The following GABRA5 variants were observed in gnomAD, a reference collection of about 807,000 sequenced individuals.
GABRA5 encodes gamma-aminobutyric acid type A receptor subunit alpha5.
A neutral mutation model predicts 47.3 loss-of-function variants in GABRA5; 18 were observed. That is an observed-to-expected ratio of 0.38 (90% confidence interval 0.26 to 0.56). GABRA5 has a LOEUF of 0.56. Among genes scored for constraint, GABRA5 ranks in the 20% least tolerant of loss-of-function variants. The pLI is 0.71. For missense variants in GABRA5, 365 were observed against 599.3 expected (o/e 0.61, Z 4.08); for synonymous variants, 237 against 229.3 (o/e 1.03, Z -0.30).
intron 8 of GABRA5, chr15:26,939,271 T>C (rs760226134): frequency 6.5e-6 from 5 of 765,148 alleles, no homozygotes; most frequent in Non-Finnish European, 1.2e-5. Context: ...TTCTCAGCAA[T>C]GAATGGGAGG....
In GABRA5 at chr15:26,871,894, A is replaced by G. The variant is rs142054627; in HGVS notation, c.86+2560A>G. 1.5e-3 allele frequency among the ~76,000 whole-genome samples: 234 copies of G among 152,310 alleles called. 1 individual carries two copies. Among genetic ancestry groups the G allele is most frequent in the African/African-American group, 5.3e-3 (221 of 41,574 alleles). Reference sequence around the variant, plus strand: ...ATTTGGCTTACAAGTTTTCTTAGGTATTTGAGATTATTTATATTAGAAGAT... The same window carrying G: ...ATTTGGCTTACAAGTTTTCTTAGGTGTTTGAGATTATTTATATTAGAAGAT... On this transcript the variant is annotated intron_variant, in intron 3 of 10. Transcript: ENST00000335625.
At position 26,939,956 on chromosome 15, in the gene GABRA5, C is replaced by T. The variant is rs2140587796; in HGVS notation, c.756C>T (p.His252=). 2 of 1,613,986 alleles carry T rather than the reference C, an allele frequency of 1.2e-6. No individual in the cohort carries two copies. The highest frequency in any genetic ancestry group is 8.5e-7 in the Non-Finnish European group (1 of 1,179,894). ...ACACAATCATGACAGCTCACTTCCA[C>T]CTGAAAAGGAAGATTGGCTACTTTG... ...GEYTIMTAHF[H]LKRKIGYFVI... The change falls in exon 9 of 11, where the codon CAC becomes CAT. Residue 252 remains histidine, a synonymous_variant. Coordinates refer to ENST00000335625, the MANE Select transcript of GABRA5 (RefSeq NM_000810.4).
At chr15:26,919,581 A>G (rs992316265) in intron 7 of GABRA5, among the ~76,000 whole-genome samples, 44 of 152,270 alleles carry the variant, frequency 2.9e-4, no homozygotes, top group Admixed American at 7.8e-4. Flanking sequence ...TTTTAGTTGT[A>G]ATTATTTCTA....
chr15:26,874,045 G>A (rs967830842), intron 3 of GABRA5, among the ~76,000 whole-genome samples: 3 of 152,202 alleles, frequency 2.0e-5, no homozygotes, highest in Admixed American at 6.5e-5. Flanking sequence ...GCAGCTCTCC[G>A]CCAAGACTGT....
In GABRA5 at chr15:26,899,811, A is replaced by G. The variant is rs184054957; in HGVS notation, c.498-14992A>G. ...CTAAAATGAGTCCTCGTACATGATA[A>G]AGAATTATTTTATATATCTATATCG... is the stretch of plus-strand genomic sequence containing the variant. On this transcript the variant is annotated intron_variant, in intron 6 of 10. Coordinates refer to ENST00000335625, the MANE Select transcript of GABRA5 (RefSeq NM_000810.4). Among the ~76,000 whole-genome samples the G allele has an allele frequency of 6.6e-5, 10 of 152,262 alleles. No individual in the cohort carries two copies. The East Asian group carries it at 1.9e-3, about 29-fold the overall frequency.
At chr15:26,875,459 A>G (rs540363932) in intron 3 of GABRA5, among the ~76,000 whole-genome samples, 2 of 152,334 alleles carry the variant, frequency 1.3e-5, no homozygotes, top group South Asian at 4.1e-4. Flanking sequence ...TGTGCATGGA[A>G]TAAGTGTCAG....
rs528285493 is a variant in GABRA5 at position 26,869,763 on chromosome 15, A to G, written c.86+429A>G. Among the ~76,000 whole-genome samples, 5 of 152,320 alleles carry G rather than the reference A, an allele frequency of 3.3e-5. No homozygotes were observed. In the South Asian group the frequency reaches 1.0e-3, roughly 32 times the overall value. The stretch of plus-strand genomic sequence containing the variant: ...TTGCCTTGAAAGCCAGGCCTATGCT[A>G]CTTGGCATTGAAAAGGACTCACAAT... On this transcript the variant is annotated intron_variant, in intron 3 of 10. Coordinates refer to ENST00000335625, the MANE Select transcript of GABRA5 (RefSeq NM_000810.4).
chr15:26,946,141 C>G (rs866117795), intron 10 of GABRA5, among the ~76,000 whole-genome samples: 3 of 151,842 alleles, frequency 2.0e-5, no homozygotes, highest in South Asian at 4.1e-4. Flanking sequence ...CCCCTGACGC[C>G]TGCTCCACGC....
intron 7 of GABRA5, among the ~76,000 whole-genome samples, chr15:26,918,417 T>C (rs1430965770): frequency 1.3e-5 from 2 of 152,216 alleles, no homozygotes. Flanking sequence ...GTGAATGTTC[T>C]GTATGTGCTT....
At chr15:26,871,930 G>C (rs958843181) in intron 3 of GABRA5, among the ~76,000 whole-genome samples, 3 of 152,164 alleles carry the variant, frequency 2.0e-5, no homozygotes, top group African/African-American at 7.2e-5. Flanking sequence ...ATTTTTGTAA[G>C]AGGAATTTTA....
intron 8 of GABRA5, chr15:26,939,191 C>G: frequency 1.3e-6 from 1 of 759,482 alleles, no homozygotes; most frequent in South Asian, 1.4e-5. Context: ...ACTGGCCCAG[C>G]GGGCCTCACA....
chr15:26,926,089 C>T (rs1893956278), intron 7 of GABRA5, among the ~76,000 whole-genome samples: 1 of 152,172 alleles, frequency 6.6e-6, no homozygotes, highest in Non-Finnish European at 1.5e-5. Flanking sequence ...GTTCTTCAAG[C>T]AAGGGAGATG....
chr15:26,914,922 A>G, intron 7 of GABRA5, 37 bp downstream of exon 7: 1 of 1,516,918 alleles, frequency 6.6e-7, no homozygotes, highest in Non-Finnish European at 9.2e-7. Context: ...TTGGACATAT[A>G]CTTTGGGGAT....
At chr15:26,890,142 C>T (rs911237273) in intron 6 of GABRA5, among the ~76,000 whole-genome samples, 15 of 152,218 alleles carry the variant, frequency 9.9e-5, no homozygotes, top group African/African-American at 3.6e-4. Context: ...TGATAACATT[C>T]TGGTCCAAGC....
chr15:26,911,598 G>A (rs1456880018), intron 6 of GABRA5, among the ~76,000 whole-genome samples: 1 of 152,152 alleles, frequency 6.6e-6, no homozygotes, highest in African/African-American at 2.4e-5. Context: ...GCCAGGAGAG[G>A]AGGAGGAATG....
intron 6 of GABRA5, among the ~76,000 whole-genome samples, chr15:26,904,009 C>A (rs1189007336): frequency 6.6e-6 from 1 of 152,026 alleles, no homozygotes; most frequent in Admixed American, 6.6e-5. Flanking sequence ...GTTGCAGTTG[C>A]TTTTGCTATC....
chr15:26,905,562 C>T (rs1178378871), intron 6 of GABRA5, among the ~76,000 whole-genome samples: 1 of 151,618 alleles, frequency 6.6e-6, no homozygotes, highest in African/African-American at 2.4e-5. Flanking sequence ...TTCAAATATT[C>T]TTTCTGTCCC....
At chr15:26,916,685 A>G (rs1893723630) in intron 7 of GABRA5, among the ~76,000 whole-genome samples, 1 of 152,080 alleles carries the variant, frequency 6.6e-6, no homozygotes, top group Non-Finnish European at 1.5e-5. Context: ...TAATAATATT[A>G]AGTTTTTCAT....
At chr15:26,934,317 A>T (rs1894185126) in intron 7 of GABRA5, among the ~76,000 whole-genome samples, 1 of 151,938 alleles carries the variant, frequency 6.6e-6, no homozygotes. Context: ...GCCTAGAGAT[A>T]TGGGTTTAGA....
Sources: gnomAD v4.1 joint callset for allele counts (sites outside exome capture counted in the v4.1 genomes callset) on GRCh38, gnomAD v4.1.1 for gene constraint, MANE v1.5 for transcripts, NCBI Gene and HGNC (gene_info 2026-07-23, HGNC 2026-07-21) for gene names.